Variants in SPTY2D1 observed in about 807,000 individuals in gnomAD.
The protein encoded by SPTY2D1 is SPT2 chromatin protein domain containing 1.
Under a neutral mutation model 64.0 loss-of-function variants are expected in SPTY2D1, and 21 were observed. The ratio of observed to expected loss-of-function variants is 0.33; its 90% CI spans 0.23 to 0.47. The LOEUF (loss-of-function observed/expected upper bound fraction) is 0.47, where lower values mean the gene tolerates loss of function less well. SPTY2D1 is among the 20% of genes least tolerant of loss of function. The pLI is 1.00. For synonymous variants in SPTY2D1, 287 were observed against 286.8 expected, an observed-to-expected ratio of 1.00 and a Z score of -0.01; for missense variants, 724 against 837.2, an observed-to-expected ratio of 0.86 and a Z score of 1.67.
chr11:18,619,087 GAAGT>G (rs773969640), intron 1 of SPTY2D1, among the ~76,000 whole-genome samples: 3 of 152,146 alleles, frequency 2.0e-5, no homozygotes, highest in Non-Finnish European at 4.4e-5. Flanking sequence ...GGAGAAAGGA[GAAGT>G]AATACTGCTA....
Position 18,634,179 on chromosome 11 carries a change from T to C in SPTY2D1, c.60+19A>G, listed in dbSNP as rs574094022. ...GGAAGACTAGGGTCCCCTACATTGA[T>C]GCCCCAGCTGCTACTTACCGGCACA... On this transcript the variant is annotated intron_variant, in intron 1 of 5. Coordinates refer to ENST00000336349, the MANE Select transcript of SPTY2D1 (RefSeq NM_194285.3). 1.4e-5 allele frequency: 22 copies of C among 1,614,000 alleles called. No homozygotes were observed. Among genetic ancestry groups the C allele is most frequent in the Non-Finnish European group, 1.9e-5 (22 of 1,179,938 alleles).
Position 18,612,432 on chromosome 11 carries a change from C to T in SPTY2D1, c.1768G>A (p.Glu590Lys), listed in dbSNP as rs755172530. The part of the protein sequence containing the change: ...GYKRQREYEE[E>K]DDDDDEYDSE... ...TCGTATTCATCATCATCGTCATCTT[C>T]CTCTTCATATTCTCGCTGCCTTTTG... The change falls in exon 4 of 6, where the codon GAA (glutamate) becomes AAA (lysine). Residue 590 changes from glutamate to lysine, a missense_variant. By Grantham distance (56) the Glu-to-Lys change is moderately conservative. Around this residue, in one of 3 missense-constraint regions of SPTY2D1, gnomAD observed 119 missense variants for 172.9 expected, o/e 0.69. Coordinates refer to ENST00000336349, the MANE Select transcript of SPTY2D1 (RefSeq NM_194285.3). This position sits in a 1 kb window ranked among gnomAD's most constrained non-coding sequence, Gnocchi z 4.6. The T allele has an allele frequency of 1.7e-5, 28 of 1,610,036 alleles. No homozygotes were observed. Among genetic ancestry groups the T allele is most frequent in the Non-Finnish European group, 2.3e-5 (27 of 1,177,636 alleles).
At chr11:18,628,317 T>A (rs1354819438) in intron 1 of SPTY2D1, among the ~76,000 whole-genome samples, 1 of 152,244 alleles carries the variant, frequency 6.6e-6, no homozygotes, top group Non-Finnish European at 1.5e-5. Flanking sequence ...CAAGTTTTTA[T>A]GTGGATGTAT....
At chr11:18,611,635 A>G (rs1272645866) in intron 4 of SPTY2D1, 81 bp from the exon 5 acceptor site, 37 of 1,129,806 alleles carry the variant, frequency 3.3e-5, no homozygotes, top group South Asian at 7.8e-5. Context: ...TAAAAAATCA[A>G]TATCTCCTTT....
rs1381680739 is a variant in SPTY2D1, at chr11:18,616,066, C to G, written c.208G>C (p.Val70Leu). 6.2e-7 allele frequency: 1 copy of G among 1,611,072 alleles called. No individual in the cohort carries two copies. Among genetic ancestry groups the G allele is most frequent in the Non-Finnish European group, 8.5e-7 (1 of 1,178,668 alleles). ...TGTTTGAGCTCAATTCGCTTTTTCA[C>G]TAGTTCCTCTTTTCTCCTTTTCTCC... is the stretch of plus-strand genomic sequence containing the variant. Reference protein sequence around the residue: ...LEEKRRKEELVKKRIELKHDK... With the variant: ...LEEKRRKEELLKKRIELKHDK... The change falls in exon 3 of 6, where the codon GTG (valine) becomes CTG (leucine). Residue 70 changes from valine (V) to leucine (L), a missense_variant. Coordinates refer to ENST00000336349, the MANE Select transcript of SPTY2D1 (RefSeq NM_194285.3).
At chr11:18,622,518 C>T (rs1200765405) in intron 1 of SPTY2D1, among the ~76,000 whole-genome samples, 1 of 151,684 alleles carries the variant, frequency 6.6e-6, no homozygotes, top group African/African-American at 2.4e-5. Flanking sequence ...CAGAGCAAGA[C>T]TCTGTCTCAA....
At chr11:18,614,399 A>C (rs1854254352) in intron 3 of SPTY2D1, among the ~76,000 whole-genome samples, 164 bp downstream of exon 3, 1 of 152,230 alleles carries the variant, frequency 6.6e-6, no homozygotes, top group African/African-American at 2.4e-5. Context: ...CAAAAAAACA[A>C]GGAACTCTCA....
At position 18,612,256 on chromosome 11, in the gene SPTY2D1, T is replaced by C; in HGVS notation, c.1886+58A>G. On this transcript the variant is annotated intron_variant, in intron 4 of 5. Transcript: ENST00000336349. The surrounding 1 kb of genome is among the most constrained non-coding windows in gnomAD (Gnocchi z 4.6). ...ACTATTAGTTTATTACCCCATGACATGAATTATTCAAAATAAAAAAAGGAT... is the reference window on the plus strand; with the variant it reads ...ACTATTAGTTTATTACCCCATGACACGAATTATTCAAAATAAAAAAAGGAT... 7.1e-7 allele frequency: 1 copy of C among 1,408,768 alleles called. No homozygotes were observed. The highest frequency in any genetic ancestry group is 9.6e-7 in the Non-Finnish European group (1 of 1,041,082). The allele number at this position is 1,408,768 out of a possible 1,614,324, so 87.3% of individuals were successfully genotyped here. A position where few individuals can be genotyped will look rare whatever the true frequency, so the allele number is the denominator to read the frequency against.
chr11:18,627,805 C>T (rs901571909), intron 1 of SPTY2D1, among the ~76,000 whole-genome samples: 5 of 150,078 alleles, frequency 3.3e-5, no homozygotes, highest in Admixed American at 1.3e-4. Context: ...CGTGAGCCCG[C>T]GAGGCGGAGC....
rs532022843 is a variant in SPTY2D1 at position 18,620,168 on chromosome 11, C to T, written c.61-3179G>A. 1.4e-4 allele frequency among the ~76,000 whole-genome samples: 21 copies of T among 152,266 alleles called. No individual in the cohort carries two copies. The South Asian group carries it at 4.4e-3, about 32-fold the overall frequency. ...GGTATACTACCCCTACCATTACTTA[C>T]TAATTTAAAAAAACATACAGAGTTG... On this transcript the variant is annotated intron_variant, in intron 1 of 5. Coordinates refer to ENST00000336349, the MANE Select transcript of SPTY2D1 (RefSeq NM_194285.3).
At chr11:18,611,384 C>A (rs1854203848) in intron 5 of SPTY2D1, 93 bp downstream of exon 5, 1 of 1,178,086 alleles carries the variant, frequency 8.5e-7, no homozygotes, top group African/African-American at 1.5e-5. Flanking sequence ...TTCTCTGGCC[C>A]AAAGCCCCAG....
chr11:18,625,811 C>T (rs983073349), intron 1 of SPTY2D1, among the ~76,000 whole-genome samples: 3 of 144,256 alleles, frequency 2.1e-5, no homozygotes, highest in Admixed American at 6.8e-5. Flanking sequence ...TTAACTCCAA[C>T]ACTTTCTTTT....
chr11:18,626,837 A>G (rs974981297), intron 1 of SPTY2D1, among the ~76,000 whole-genome samples: 3 of 152,166 alleles, frequency 2.0e-5, no homozygotes, highest in Non-Finnish European at 4.4e-5. Context: ...CCTCTATGGG[A>G]AAAAGGTGAA....
intron 4 of SPTY2D1, 109 bp from the exon 5 acceptor site, chr11:18,611,663 A>T: frequency 1.1e-6 from 1 of 902,546 alleles, no homozygotes; most frequent in Non-Finnish European, 1.7e-6. Flanking sequence ...AATCAAGCAC[A>T]CATTTAGAAT....
At chr11:18,616,732 G>GACAC (rs72301459) in intron 2 of SPTY2D1, 143 bp downstream of exon 2, 43 of 487,674 alleles carry the variant, frequency 8.8e-5, no homozygotes, top group Middle Eastern at 4.9e-4. Flanking sequence ...AGTTAACCTG[G>GACAC]ACACACACAC....
chr11:18,614,938 C>T lies in SPTY2D1; in HGVS notation c.1336G>A (p.Gly446Arg). The change falls in exon 3 of 6, where the codon GGG becomes AGG. Residue 446 changes from glycine (G) to arginine (R), a missense_variant. Coordinates refer to ENST00000336349, the MANE Select transcript of SPTY2D1 (RefSeq NM_194285.3). ...CTAACTGAACCACTGATGGGTCGCCCAGGGCCACCTGAGCTGCTTGCAGGT... is the reference window on the plus strand; with the variant it reads ...CTAACTGAACCACTGATGGGTCGCCTAGGGCCACCTGAGCTGCTTGCAGGT... ...GQPASSSGGP[G>R]RPISGSVSSA... is the part of the protein sequence containing the mutation. 6.2e-7 allele frequency: 1 copy of T among 1,613,830 alleles called. No homozygotes were observed. The highest frequency in any genetic ancestry group is 8.5e-7 in the Non-Finnish European group (1 of 1,179,792).
chr11:18,612,550 A>C lies in SPTY2D1; in HGVS notation c.1712-62T>G. The C allele has an allele frequency of 7.1e-7, 1 of 1,410,086 alleles. No homozygotes were observed. Among genetic ancestry groups the C allele is most frequent in the South Asian group, 1.6e-5 (1 of 64,316 alleles). 87.3% of individuals were successfully genotyped at this position (1,410,086 alleles called of 1,614,324 possible). ...AAATAGTTCCAATGCAGTTCTATGT[A>C]AACTGAAATTGTGAGTCATCATTAA... On this transcript the variant is annotated intron_variant, in intron 3 of 5. Coordinates refer to ENST00000336349, the MANE Select transcript of SPTY2D1 (RefSeq NM_194285.3). The surrounding 1 kb of genome is among the most constrained non-coding windows in gnomAD (Gnocchi z 4.6).
chr11:18,630,177 A>T (rs1304263966), intron 1 of SPTY2D1, among the ~76,000 whole-genome samples: 1 of 133,360 alleles, frequency 7.5e-6, no homozygotes, highest in Non-Finnish European at 1.6e-5. Context: ...CAAAAAATAA[A>T]AATAAAAATA....
At position 18,609,928 on chromosome 11, in the gene SPTY2D1, A is replaced by G. The variant is rs1854170270; in HGVS notation, c.1991T>C (p.Leu664Ser). Residue 664 changes from leucine to serine, a missense_variant, in exon 6 of 6, where the codon TTA (leucine) becomes TCA (serine). Leu to Ser is a moderately radical substitution (Grantham distance 145). Transcript: ENST00000336349. ...TTCTTCTTCACGTCTCATTTCCTCT[A>G]AGTCCTCTTGCATACCCAGTCTTAA... is the stretch of plus-strand genomic sequence containing the variant. ...KSLRLGMQED[L>S]EEMRREEEEM... 6.2e-7 allele frequency: 1 copy of G among 1,613,950 alleles called. No homozygotes were observed. The highest frequency in any genetic ancestry group is 1.3e-5 in the African/African-American group (1 of 74,882).
Sources: allele counts gnomAD v4.1 joint callset (sites outside exome capture counted in the v4.1 genomes callset), GRCh38; gene constraint gnomAD v4.1.1; regional missense constraint gnomAD v4.1.1; non-coding constraint Gnocchi (gnomAD v3.1); transcripts MANE v1.5; gene names NCBI Gene and HGNC (gene_info 2026-07-23, HGNC 2026-07-21).